Variants in JUP observed in about 807,000 individuals in gnomAD.
JUP encodes junction plakoglobin.
A neutral mutation model predicts 71.1 loss-of-function variants in JUP; 28 were observed. The observed-to-expected ratio is 0.39, with a 90% confidence interval of 0.29 to 0.54. JUP has a LOEUF of 0.54. Ranked by LOEUF, JUP falls within the 20% of genes least tolerant of loss-of-function variation. JUP has a pLI of 0.62. For synonymous variants in JUP, 401 were observed against 438.9 expected, an observed-to-expected ratio of 0.91 and a Z score of 1.08; for missense variants, 869 against 1,030.1, an observed-to-expected ratio of 0.84 and a Z score of 2.14.
Position 41,757,790 on chromosome 17 carries a change from G to A in JUP, c.1774-6C>T, listed in dbSNP as rs375016135. ...TCCACCGACGAGTACAGGAGCTGGG[G>A]AGAGGGGACGTGGGAAGCAGGGGAG... On this transcript the variant is annotated splice_polypyrimidine_tract_variant and splice_region_variant and intron_variant, in intron 10 of 13. Transcript: ENST00000393931. 9.3e-4 allele frequency: 1,499 copies of A among 1,604,034 alleles called. 33 individuals are homozygous for A. The South Asian group carries it at 0.014, about 15-fold the overall frequency.
chr17:41,778,016 G>T (rs2046967229), intron 1 of JUP, among the ~76,000 whole-genome samples: 1 of 152,182 alleles, frequency 6.6e-6, no homozygotes, highest in Non-Finnish European at 1.5e-5. Context: ...AGGTTGACGT[G>T]TGTTGGTGAC....
At chr17:41,783,893 CAAAAAAAAAAA>C (rs35672991) in intron 1 of JUP, among the ~76,000 whole-genome samples, 1 of 81,998 alleles carries the variant, frequency 1.2e-5, no homozygotes. Context: ...GACTCCATCT[CAAAAAAAAAAA>C]AAAAAAAAAA....
In JUP at chr17:41,763,034, G is replaced by A. The variant is rs1456308434; in HGVS notation, c.1446C>T (p.Ile482=). 2 of 1,614,156 alleles carry A rather than the reference G, an allele frequency of 1.2e-6. No individual in the cohort carries two copies. Among genetic ancestry groups the A allele is most frequent in the Non-Finnish European group, 1.7e-6 (2 of 1,180,010 alleles). Residue 482 remains isoleucine (I), a synonymous_variant, in exon 8 of 14, where the codon ATC becomes ATT. Coordinates refer to ENST00000393931, the MANE Select transcript of JUP (RefSeq NM_002230.4). ...AQNSVRLNYG[I]PAIVKLLNQP... ...GGTTGAGCAGCTTCACGATGGCTGG[G>A]ATGCCATAGTTGAGACGCACAGAGT...
intron 1 of JUP, among the ~76,000 whole-genome samples, chr17:41,778,559 C>CA (rs35336912): frequency 0.031 from 4,373 of 142,376 alleles, 227 homozygotes; most frequent in African/African-American, 0.11. Context: ...GACCCCATCT[C>CA]AAAAAAAAAA....
intron 9 of JUP, 36 bp downstream of exon 9, chr17:41,758,679 C>T (rs561004703): frequency 5.7e-5 from 91 of 1,595,212 alleles, no homozygotes; most frequent in Non-Finnish European, 6.9e-5. Context: ...CCTGACCCCC[C>T]AGGAAGGCTG....
intron 5 of JUP, among the ~76,000 whole-genome samples, chr17:41,766,810 G>A (rs1597814606): frequency 2.0e-5 from 3 of 151,082 alleles, no homozygotes; most frequent in East Asian, 1.9e-4. Flanking sequence ...AGCCGAGATC[G>A]TGCCATTGCA....
At chr17:41,763,704 T>C (rs1473456793) in intron 7 of JUP, among the ~76,000 whole-genome samples, 1 of 152,066 alleles carries the variant, frequency 6.6e-6, no homozygotes, top group Non-Finnish European at 1.5e-5. Context: ...CAGGAGGCAA[T>C]TGTTGAGGGG....
intron 3 of JUP, 105 bp downstream of exon 3, chr17:41,769,313 G>A: frequency 6.4e-7 from 1 of 1,559,662 alleles, no homozygotes; most frequent in Middle Eastern, 2.1e-4. Flanking sequence ...ACACGGGAGA[G>A]TCTGGGTCAT....
At chr17:41,764,599 G>A (rs1270993646) in intron 7 of JUP, 114 bp downstream of exon 7, 1 of 772,800 alleles carries the variant, frequency 1.3e-6, no homozygotes, top group Admixed American at 1.9e-5. Context: ...CAGTCACAAG[G>A]AAGAGAGATT....
chr17:41,781,495 C>T (rs1382371747), intron 1 of JUP, among the ~76,000 whole-genome samples: 9 of 152,198 alleles, frequency 5.9e-5, no homozygotes, highest in African/African-American at 1.7e-4. Flanking sequence ...CAGAGGAAGT[C>T]GCTTCACAAT....
At position 41,757,321 on chromosome 17, in the gene JUP, A is replaced by T. The variant is rs1310407269; in HGVS notation, c.2046+94T>A. On this transcript the variant is annotated intron_variant, in intron 12 of 13. Transcript: ENST00000393931. The stretch of plus-strand genomic sequence containing the variant: ...TCCAATTACAAAATAAAAATCTATG[A>T]AGTTGACAGTAGTAGGAGACCCCCA... The T allele has an allele frequency of 1.6e-5, 21 of 1,316,862 alleles. No homozygotes were observed. The Admixed American group carries it at 3.0e-4, about 19-fold the overall frequency. The allele number at this position is 1,316,862 out of a possible 1,614,324, so 81.6% of individuals were successfully genotyped here.
Position 41,757,686 on chromosome 17 carries a change from C to G in JUP, c.1872G>C (p.Glu624Asp). 1 of 1,613,558 alleles carries G rather than the reference C, an allele frequency of 6.2e-7. No individual in the cohort carries two copies. Among genetic ancestry groups the G allele is most frequent in the Non-Finnish European group, 8.5e-7 (1 of 1,179,684 alleles). The change falls in exon 11 of 14, where the codon GAG (glutamate) becomes GAC (aspartate). Residue 624 changes from glutamate to aspartate, a missense_variant. Physicochemically the swap from Glu to Asp is conservative, Grantham distance 45. Transcript: ENST00000393931. ...ACTCCATGAGTGGGGCCGAGGCCCC[C>G]TCTGCATCAATGGCGTCGGCCGCCT... ...DKEAADAIDAEGASAPLMELL... is the reference protein window; with the variant it reads ...DKEAADAIDADGASAPLMELL...
At chr17:41,775,988 T>C in intron 1 of JUP, 1 of 985,290 alleles carries the variant, frequency 1.0e-6, no homozygotes. Flanking sequence ...TACACCAGGC[T>C]CCTTCCCCAG....
intron 1 of JUP, among the ~76,000 whole-genome samples, chr17:41,778,610 G>T (rs1209186899): frequency 1.3e-5 from 2 of 151,350 alleles, no homozygotes; most frequent in Admixed American, 6.6e-5. Flanking sequence ...CAAGATCAAG[G>T]CTAAAGAACA....
At chr17:41,766,533 C>CAACATGGAG (rs1915740342) in intron 5 of JUP, among the ~76,000 whole-genome samples, 1 of 151,952 alleles carries the variant, frequency 6.6e-6, no homozygotes, top group African/African-American at 2.4e-5. Flanking sequence ...CCAGCCTGGG[C>CAACATGGAG]AACATGGAGA....
chr17:41,766,872 G>GA (rs143009697), intron 5 of JUP, among the ~76,000 whole-genome samples: 5,300 of 148,620 alleles, frequency 0.036, 316 homozygotes, highest in African/African-American at 0.12. Context: ...AAAAAAAAAA[G>GA]AAAGAAAAGA....
intron 1 of JUP, among the ~76,000 whole-genome samples, chr17:41,778,155 C>T (rs576962412): frequency 2.0e-5 from 3 of 152,208 alleles, no homozygotes; most frequent in Non-Finnish European, 4.4e-5. Flanking sequence ...GAGGCCCACT[C>T]CCTGGGGTGT....
At chr17:41,758,060 G>T (rs1914151067) in intron 10 of JUP, 3 of 550,982 alleles carry the variant, frequency 5.4e-6, no homozygotes, top group Non-Finnish European at 3.2e-6. Context: ...TGTCTGTTAT[G>T]GTACTTGCAC....
chr17:41,770,907 G>A (rs374405156), intron 2 of JUP, among the ~76,000 whole-genome samples: 3 of 152,362 alleles, frequency 2.0e-5, no homozygotes, highest in South Asian at 4.1e-4. Context: ...AATCCCTGGG[G>A]GTTCCTGGGG....
Sources: allele counts gnomAD v4.1 joint callset (sites outside exome capture counted in the v4.1 genomes callset), GRCh38; gene constraint gnomAD v4.1.1; transcripts MANE v1.5; gene names NCBI Gene and HGNC (gene_info 2026-07-23, HGNC 2026-07-21).